BCAS3: variants seen among roughly 807,000 people sequenced by gnomAD.
BCAS3 encodes the protein BCAS4/BCAS3 fusion.
Under a neutral mutation model 116.1 loss-of-function variants are expected in BCAS3, and 53 were observed. The observed-to-expected ratio is 0.46, with a 90% CI of 0.37 to 0.57. The LOEUF (loss-of-function observed/expected upper bound fraction) is 0.57, where lower values mean the gene tolerates loss of function less well. Ranked by LOEUF, BCAS3 falls within the 20% of genes least tolerant of loss-of-function variation. The pLI is 0.00. For synonymous variants in BCAS3, 391 were observed against 408.2 expected (o/e 0.96, Z 0.51); for missense variants, 917 against 1,165.4 (o/e 0.79, Z 3.10).
chr17:61,153,371 C>G (rs1323593318), intron 22 of BCAS3, among the ~76,000 whole-genome samples: 1 of 152,174 alleles, frequency 6.6e-6, no homozygotes. Flanking sequence ...TCATTCCTGC[C>G]TTTCTTCTTG....
intron 22 of BCAS3, among the ~76,000 whole-genome samples, chr17:61,175,205 G>A (rs1038611252): frequency 1.3e-5 from 2 of 152,152 alleles, no homozygotes; most frequent in Admixed American, 6.5e-5. Flanking sequence ...GCAGGAGTTC[G>A]AGATCAACCT....
intron 7 of BCAS3, among the ~76,000 whole-genome samples, chr17:60,813,892 T>C (rs1011214527): frequency 2.6e-5 from 4 of 152,230 alleles, no homozygotes; most frequent in African/African-American, 9.6e-5. Context: ...TCTCTGTATC[T>C]GTTTTTGTGC....
rs1187597379 is a variant in BCAS3, at chr17:61,087,322, T to C, written c.2425+2758T>C. 2 of 555,928 alleles carry C rather than the reference T, an allele frequency of 3.6e-6. No homozygotes were observed. The highest frequency in any genetic ancestry group is 4.6e-6 in the Non-Finnish European group (2 of 437,822). The allele number at this position is 555,928 out of a possible 1,614,324, so 34.4% of individuals were successfully genotyped here. ...TATATGACTTCATGGATTATCTTCT[T>C]AATTATTCCTATGGCACATGTTACA... On this transcript the variant is annotated intron_variant, in intron 22 of 23. Transcript: ENST00000407086. The surrounding 1 kb of genome is among the most constrained non-coding windows in gnomAD (Gnocchi z 4.6).
intron 22 of BCAS3, among the ~76,000 whole-genome samples, chr17:61,308,214 A>G (rs2053996869): frequency 6.6e-6 from 1 of 152,130 alleles, no homozygotes; most frequent in East Asian, 1.9e-4. Context: ...ATTTCTACCC[A>G]AGCCTTCAGC....
chr17:61,253,769 G>A (rs529452993), intron 22 of BCAS3, among the ~76,000 whole-genome samples: 64 of 151,940 alleles, frequency 4.2e-4, no homozygotes, highest in Admixed American at 1.3e-3. Context: ...GCTTTGTTTT[G>A]CCTTTCCATT....
At chr17:61,045,326 TAG>T (rs2067947738) in intron 19 of BCAS3, among the ~76,000 whole-genome samples, 1 of 151,330 alleles carries the variant, frequency 6.6e-6, no homozygotes, top group Non-Finnish European at 1.5e-5. Flanking sequence ...CTGGGCAACA[TAG>T]AGAGACCCTG....
At chr17:60,861,285 C>G (rs2054133975) in intron 7 of BCAS3, among the ~76,000 whole-genome samples, 1 of 152,116 alleles carries the variant, frequency 6.6e-6, no homozygotes, top group Non-Finnish European at 1.5e-5. Flanking sequence ...TGATTTGGCT[C>G]TCAGCTGGGA....
In BCAS3 at chr17:61,145,729, G is replaced by A. The variant is rs1373518939; in HGVS notation, c.2425+61165G>A. Among the ~76,000 whole-genome samples the A allele has an allele frequency of 6.6e-6, 1 of 152,200 alleles. No homozygotes were observed. The highest frequency in any genetic ancestry group is 1.9e-4 in the East Asian group (1 of 5,202). ...AATTAAAGAGAAATTGAAAATCTAA[G>A]TCTTGCAGTGAGAATGACCAGAAAT... is the stretch of plus-strand genomic sequence containing the variant. On this transcript the variant is annotated intron_variant, in intron 22 of 23. Transcript: ENST00000407086. The surrounding 1 kb of genome is among the most constrained non-coding windows in gnomAD (Gnocchi z 5.0).
At chr17:60,728,037 G>C (rs1230368710) in intron 5 of BCAS3, among the ~76,000 whole-genome samples, 1 of 151,988 alleles carries the variant, frequency 6.6e-6, no homozygotes, top group Non-Finnish European at 1.5e-5. Flanking sequence ...TGGAACTCCT[G>C]ACCTCAAGTG....
chr17:60,842,280 CT>C (rs1336593430), intron 7 of BCAS3, among the ~76,000 whole-genome samples: 2 of 152,070 alleles, frequency 1.3e-5, no homozygotes, highest in African/African-American at 4.8e-5. Flanking sequence ...AATAGGAGAT[CT>C]TTGATTGCAA....
intron 22 of BCAS3, among the ~76,000 whole-genome samples, chr17:61,271,209 C>A (rs894828241): frequency 7.0e-6 from 1 of 142,384 alleles, no homozygotes; most frequent in African/African-American, 2.6e-5. Context: ...TTCACTGCAA[C>A]CTCTGCCTCC....
At chr17:60,811,560 C>A in intron 7 of BCAS3, 1 of 341,724 alleles carries the variant, frequency 2.9e-6, no homozygotes. Flanking sequence ...GTGGTTGTCT[C>A]CAGATGTTAA....
Position 61,281,900 on chromosome 17 carries a change from G to A in BCAS3, c.2426-86427G>A, listed in dbSNP as rs780372040. Among the ~76,000 whole-genome samples the A allele has an allele frequency of 2.0e-5, 3 of 151,598 alleles. No individual in the cohort carries two copies. The highest frequency in any genetic ancestry group is 6.6e-5 in the Admixed American group (1 of 15,224). Reference sequence around the variant, plus strand: ...ATGGTAAATTTTTACTTTCTTTTCCGCTACTTCCTTTTTACAAGACTGTTG... The same window carrying A: ...ATGGTAAATTTTTACTTTCTTTTCCACTACTTCCTTTTTACAAGACTGTTG... On this transcript the variant is annotated intron_variant, in intron 22 of 23. Transcript: ENST00000407086. The surrounding 1 kb of genome is among the most constrained non-coding windows in gnomAD (Gnocchi z 4.2).
intron 8 of BCAS3, among the ~76,000 whole-genome samples, chr17:60,873,008 A>G (rs1395524599): frequency 2.0e-5 from 3 of 152,142 alleles, no homozygotes; most frequent in Admixed American, 1.3e-4. Flanking sequence ...TTCTTCTATC[A>G]GGGCATTAAA....
intron 7 of BCAS3, among the ~76,000 whole-genome samples, chr17:60,857,060 C>G (rs2053743046): frequency 6.6e-6 from 1 of 152,096 alleles, no homozygotes; most frequent in African/African-American, 2.4e-5. Flanking sequence ...GATAAAATTT[C>G]AACACACATG....
At chr17:61,116,384 C>T (rs1405062534) in intron 22 of BCAS3, among the ~76,000 whole-genome samples, 1 of 151,980 alleles carries the variant, frequency 6.6e-6, no homozygotes. Context: ...ACTATTTCAC[C>T]AATTTGAGTG....
intron 7 of BCAS3, among the ~76,000 whole-genome samples, chr17:60,860,946 C>T (rs571113715): frequency 4.2e-4 from 64 of 152,126 alleles, no homozygotes; most frequent in African/African-American, 1.1e-3. Flanking sequence ...TTATTCTTTT[C>T]GCCTAGGATT....
intron 19 of BCAS3, among the ~76,000 whole-genome samples, chr17:61,050,465 C>T (rs1224579801): frequency 6.6e-6 from 1 of 151,684 alleles, no homozygotes; most frequent in Non-Finnish European, 1.5e-5. Flanking sequence ...GGAAATGGAA[C>T]TATACTATTG....
At chr17:60,998,141 C>T (rs913350401) in intron 15 of BCAS3, among the ~76,000 whole-genome samples, 2 of 152,186 alleles carry the variant, frequency 1.3e-5, no homozygotes, top group African/African-American at 2.4e-5. Flanking sequence ...ATAACGACCT[C>T]CAGCAGCACC....
Sources: allele counts gnomAD v4.1 joint callset (sites outside exome capture counted in the v4.1 genomes callset), GRCh38; gene constraint gnomAD v4.1.1; non-coding constraint Gnocchi (gnomAD v3.1); transcripts MANE v1.5; gene names NCBI Gene and HGNC (gene_info 2026-07-23, HGNC 2026-07-21).